The following DOK6 variants were observed in gnomAD, a reference collection of about 807,000 sequenced individuals.
The protein encoded by DOK6 is downstream of tyrosine kinase 6.
DOK6 carries 22 observed loss-of-function variants against 44.0 expected under a neutral mutation model. That is an observed-to-expected ratio of 0.50 (90% confidence interval 0.36 to 0.71). The LOEUF is 0.71. Ranked by LOEUF, DOK6 falls within the 30% of genes least tolerant of loss-of-function variation. The pLI, the probability that DOK6 is intolerant of heterozygous loss-of-function variation, is 0.00. For synonymous variants in DOK6, 166 were observed against 145.5 expected, an observed-to-expected ratio of 1.14 and a Z score of -1.01; for missense variants, 340 against 416.4, an observed-to-expected ratio of 0.82 and a Z score of 1.60.
In DOK6 at chr18:69,701,865, A is replaced by G. The variant is rs540073997; in HGVS notation, c.599+3272A>G. Among the ~76,000 whole-genome samples the G allele has an allele frequency of 2.0e-5, 3 of 152,316 alleles. No homozygotes were observed. In the South Asian group the frequency reaches 6.2e-4, roughly 32 times the overall value. The stretch of plus-strand genomic sequence containing the variant: ...ATACAATTAAGGATTCTGTGATGTC[A>G]TAGGTAGGCTTAATTTATTCCTAAA... On this transcript the variant is annotated intron_variant, in intron 5 of 7. Transcript: ENST00000382713.
intron 5 of DOK6, among the ~76,000 whole-genome samples, chr18:69,724,416 A>G (rs556481301): frequency 3.0e-4 from 45 of 152,376 alleles, no homozygotes; most frequent in Admixed American, 1.8e-3. Context: ...CAAAGCTGAA[A>G]GAAATATTTT....
At chr18:69,723,387 G>A (rs1438963261) in intron 5 of DOK6, among the ~76,000 whole-genome samples, 1 of 152,204 alleles carries the variant, frequency 6.6e-6, no homozygotes, top group African/African-American at 2.4e-5. Flanking sequence ...AGCACAGGCA[G>A]ATTTCCTCCA....
chr18:69,496,640 C>T (rs553259080), intron 1 of DOK6, among the ~76,000 whole-genome samples: 2 of 152,322 alleles, frequency 1.3e-5, no homozygotes, highest in Admixed American at 6.5e-5. Flanking sequence ...AAACCCATTT[C>T]ATATGACATT....
chr18:69,707,234 C>T (rs1159831064), intron 5 of DOK6, among the ~76,000 whole-genome samples: 1 of 152,166 alleles, frequency 6.6e-6, no homozygotes, highest in Non-Finnish European at 1.5e-5. Context: ...TAGGAAGAAT[C>T]AATATCTTGA....
chr18:69,588,178 T>C (rs915229753), intron 2 of DOK6, among the ~76,000 whole-genome samples: 2 of 152,206 alleles, frequency 1.3e-5, no homozygotes, highest in African/African-American at 4.8e-5. Context: ...GGATAGCCAT[T>C]TTGCCATTTG....
intron 6 of DOK6, among the ~76,000 whole-genome samples, chr18:69,754,568 T>C (rs142404842): frequency 1.8e-3 from 268 of 152,262 alleles, no homozygotes; most frequent in Non-Finnish European, 2.9e-3. Context: ...ACTGGATGGG[T>C]TAAACAACAG....
intron 1 of DOK6, among the ~76,000 whole-genome samples, chr18:69,521,461 T>C (rs183499139): frequency 0.044 from 6,463 of 145,844 alleles, 204 homozygotes; most frequent in Admixed American, 0.099. Flanking sequence ...AAAAAAAACA[T>C]GTGAATCAAA....
intron 2 of DOK6, among the ~76,000 whole-genome samples, chr18:69,583,390 G>A (rs1983413611): frequency 6.6e-6 from 1 of 152,070 alleles, no homozygotes; most frequent in African/African-American, 2.4e-5. Context: ...TTTTACTGGA[G>A]TTTCTACATT....
At chr18:69,749,929 C>T (rs375034431) in intron 6 of DOK6, among the ~76,000 whole-genome samples, 37 of 141,356 alleles carry the variant, frequency 2.6e-4, no homozygotes, top group African/African-American at 9.8e-4. Flanking sequence ...GGCGACAGAG[C>T]GAGACTCCAT....
intron 7 of DOK6, among the ~76,000 whole-genome samples, chr18:69,782,210 ATTT>A (rs10712475): frequency 3.8e-4 from 41 of 109,104 alleles, no homozygotes; most frequent in Admixed American, 1.2e-3. Flanking sequence ...GTGTTCTAAG[ATTT>A]TTTTTTTTTT....
chr18:69,677,551 T>C (rs1459117252), intron 3 of DOK6, among the ~76,000 whole-genome samples, 183 bp from the exon 4 acceptor site: 1 of 152,168 alleles, frequency 6.6e-6, no homozygotes. Flanking sequence ...AAAAATATAA[T>C]GTCAAAGAGT....
intron 1 of DOK6, among the ~76,000 whole-genome samples, chr18:69,480,145 C>G (rs940574718): frequency 6.6e-6 from 1 of 151,936 alleles, no homozygotes; most frequent in African/African-American, 2.4e-5. Context: ...AGTGATAATT[C>G]AAAATAAGTT....
intron 1 of DOK6, among the ~76,000 whole-genome samples, chr18:69,443,609 A>G (rs1979196085): frequency 6.6e-6 from 1 of 152,138 alleles, no homozygotes; most frequent in African/African-American, 2.4e-5. Context: ...TGCTTGAGAC[A>G]GTCTAAACTC....
At chr18:69,449,570 G>GGCCT (rs757864425) in intron 1 of DOK6, among the ~76,000 whole-genome samples, 52 of 152,306 alleles carry the variant, frequency 3.4e-4, no homozygotes, top group Non-Finnish European at 5.3e-4. Context: ...AGCTCAAGGA[G>GGCCT]GCCTGCCTGC....
At chr18:69,737,273 G>A (rs1020908101) in intron 5 of DOK6, among the ~76,000 whole-genome samples, 1 of 152,188 alleles carries the variant, frequency 6.6e-6, no homozygotes, top group African/African-American at 2.4e-5. Flanking sequence ...TACCATCATG[G>A]CAGAAGGTGA....
intron 1 of DOK6, among the ~76,000 whole-genome samples, chr18:69,555,207 A>G (rs953568700): frequency 6.6e-6 from 1 of 152,180 alleles, no homozygotes; most frequent in African/African-American, 2.4e-5. Context: ...TTAACATGCT[A>G]TATTTTCTTC....
chr18:69,753,869 C>G (rs895786808), intron 6 of DOK6, among the ~76,000 whole-genome samples: 6 of 151,930 alleles, frequency 3.9e-5, no homozygotes, highest in African/African-American at 7.3e-5. Flanking sequence ...ACAGCAGACC[C>G]TTGCAGAGAA....
intron 5 of DOK6, among the ~76,000 whole-genome samples, chr18:69,722,878 C>T (rs968144984): frequency 6.6e-6 from 1 of 152,064 alleles, no homozygotes; most frequent in African/African-American, 2.4e-5. Context: ...TTAAAATGAA[C>T]CCTGCAATAA....
At chr18:69,749,940 C>CAA (rs554880939) in intron 6 of DOK6, among the ~76,000 whole-genome samples, 4 of 104,952 alleles carry the variant, frequency 3.8e-5, no homozygotes, top group Admixed American at 9.9e-5. Flanking sequence ...GAGACTCCAT[C>CAA]AAAAAAAAAA....
Sources: gnomAD v4.1 joint callset for allele counts (sites outside exome capture counted in the v4.1 genomes callset) on GRCh38, gnomAD v4.1.1 for gene constraint, MANE v1.5 for transcripts, NCBI Gene and HGNC (gene_info 2026-07-23, HGNC 2026-07-21) for gene names.